CDH12: variants seen among roughly 807,000 people sequenced by gnomAD.
The protein encoded by CDH12 is cadherin-12.
Under a neutral mutation model 74.1 loss-of-function variants are expected in CDH12, and 41 were observed. The ratio of observed to expected loss-of-function variants is 0.55; its 90% CI spans 0.43 to 0.72. CDH12 has a LOEUF of 0.72. Among genes scored for constraint, CDH12 ranks in the 30% least tolerant of loss-of-function variants. The pLI, the probability that CDH12 is intolerant of heterozygous loss-of-function variation, is 0.00. For synonymous variants in CDH12, 399 were observed against 355.0 expected, an observed-to-expected ratio of 1.12 and a Z score of -1.39; for missense variants, 945 against 977.2, an observed-to-expected ratio of 0.97 and a Z score of 0.44.
chr5:22,272,631 A>T (rs1736448955), intron 3 of CDH12, among the ~76,000 whole-genome samples: 1 of 152,116 alleles, frequency 6.6e-6, no homozygotes, highest in Non-Finnish European at 1.5e-5. Context: ...TTGAACATTT[A>T]GAGGTTATTG....
chr5:22,791,132 A>T (rs935499068), intron 1 of CDH12, among the ~76,000 whole-genome samples: 3 of 152,322 alleles, frequency 2.0e-5, no homozygotes, highest in South Asian at 2.1e-4. Context: ...TTGCACACTT[A>T]ATGTGGAAAC....
intron 14 of CDH12, among the ~76,000 whole-genome samples, chr5:21,752,804 G>A (rs541170988): frequency 1.3e-5 from 2 of 152,032 alleles, no homozygotes; most frequent in African/African-American, 2.4e-5. Context: ...GTAGAGGAAG[G>A]AAGGAAGTAG....
chr5:22,697,756 A>G (rs1295287220), intron 1 of CDH12, among the ~76,000 whole-genome samples: 1 of 152,082 alleles, frequency 6.6e-6, no homozygotes, highest in Non-Finnish European at 1.5e-5. Context: ...TTATCTGTAG[A>G]TAGAGCCTTT....
At chr5:22,604,505 A>G (rs1737001318) in intron 1 of CDH12, among the ~76,000 whole-genome samples, 1 of 152,182 alleles carries the variant, frequency 6.6e-6, no homozygotes, top group African/African-American at 2.4e-5. Context: ...GCATCAATCA[A>G]TACACTTTAA....
chr5:22,820,240 T>C (rs1749618548), intron 1 of CDH12, among the ~76,000 whole-genome samples: 1 of 151,884 alleles, frequency 6.6e-6, no homozygotes, highest in African/African-American at 2.4e-5. Context: ...AGAGACAATA[T>C]TTGAAAAGTA....
chr5:22,430,498 A>T (rs1268077013), intron 2 of CDH12, among the ~76,000 whole-genome samples: 1 of 152,146 alleles, frequency 6.6e-6, no homozygotes, highest in Non-Finnish European at 1.5e-5. Context: ...ACAAGGAAAA[A>T]ATTTTAAACT....
intron 6 of CDH12, among the ~76,000 whole-genome samples, chr5:21,933,918 C>T (rs970308262): frequency 1.3e-5 from 2 of 152,188 alleles, no homozygotes; most frequent in African/African-American, 4.8e-5. Flanking sequence ...ATAAAACTAA[C>T]AGAAAGCACG....
At position 22,696,974 on chromosome 5, in the gene CDH12, A is replaced by G. The variant is rs1251622418; in HGVS notation, c.-523+156084T>C. On this transcript the variant is annotated intron_variant, in intron 1 of 14. Transcript: ENST00000382254. ...AAGAAAAAAAAAAAATCTTAAAAAG[A>G]ACTCCTACCGTGTAACCCAGATTGA... 2.0e-5 allele frequency among the ~76,000 whole-genome samples: 3 copies of G among 152,292 alleles called. No homozygotes were observed. The East Asian group carries it at 5.8e-4, about 29-fold the overall frequency.
chr5:22,561,558 C>T (rs1397573720), intron 1 of CDH12, among the ~76,000 whole-genome samples: 1 of 151,922 alleles, frequency 6.6e-6, no homozygotes, highest in Admixed American at 6.6e-5. Context: ...CTATCTTTGG[C>T]CTGGTGGGGA....
At chr5:22,279,764 T>A (rs983864044) in intron 3 of CDH12, among the ~76,000 whole-genome samples, 22 of 152,208 alleles carry the variant, frequency 1.4e-4, no homozygotes, top group African/African-American at 5.1e-4. Context: ...ATTTTCTTAA[T>A]CCAGTCTATC....
chr5:22,233,222 A>C (rs1482106858), intron 3 of CDH12, among the ~76,000 whole-genome samples: 1 of 151,948 alleles, frequency 6.6e-6, no homozygotes, highest in African/African-American at 2.4e-5. Flanking sequence ...TGATCTATAG[A>C]TCAATTTAGT....
chr5:21,960,559 G>C (rs1473560254), intron 6 of CDH12, among the ~76,000 whole-genome samples: 1 of 152,022 alleles, frequency 6.6e-6, no homozygotes. Flanking sequence ...CCGTTCCCTT[G>C]TATCTCTAAT....
At chr5:21,884,892 G>C (rs1193164371) in intron 6 of CDH12, among the ~76,000 whole-genome samples, 1 of 151,546 alleles carries the variant, frequency 6.6e-6, no homozygotes, top group Admixed American at 6.6e-5. Flanking sequence ...TTGCTTGTTT[G>C]CTTGTTTGTT....
At chr5:22,201,250 T>C (rs1202960761) in intron 4 of CDH12, among the ~76,000 whole-genome samples, 1 of 152,186 alleles carries the variant, frequency 6.6e-6, no homozygotes, top group East Asian at 1.9e-4. Flanking sequence ...TAAGTTTCCA[T>C]ATCTTAAGAT....
rs373021510 is a variant in CDH12 at position 22,653,336 on chromosome 5, T to C, written c.-522-147972A>G. Among the ~76,000 whole-genome samples, 89 of 152,234 alleles carry C rather than the reference T, an allele frequency of 5.8e-4. No homozygotes were observed. The East Asian group carries it at 8.9e-3, about 15-fold the overall frequency. ...CATTTCTCCTTTTAACATCTTCACT[T>C]AAGTGAAACATAGGAAGATAAATAT... On this transcript the variant is annotated intron_variant, in intron 1 of 14. Transcript: ENST00000382254.
At chr5:22,010,945 C>T (rs1737260366) in intron 5 of CDH12, among the ~76,000 whole-genome samples, 1 of 151,830 alleles carries the variant, frequency 6.6e-6, no homozygotes. Context: ...TTCAAGGATT[C>T]CTTGAAGTTT....
chr5:22,221,773 T>C (rs989187144), intron 3 of CDH12, among the ~76,000 whole-genome samples: 5 of 151,950 alleles, frequency 3.3e-5, no homozygotes, highest in African/African-American at 1.2e-4. Flanking sequence ...GCTTTAATAA[T>C]TGATATGTCA....
At chr5:21,984,817 C>A (rs1433210341) in intron 5 of CDH12, among the ~76,000 whole-genome samples, 1 of 152,162 alleles carries the variant, frequency 6.6e-6, no homozygotes, top group Non-Finnish European at 1.5e-5. Context: ...TTAAACCATT[C>A]TCAACATTTT....
chr5:22,293,983 C>CA (rs1383896139), intron 3 of CDH12, among the ~76,000 whole-genome samples: 1 of 151,864 alleles, frequency 6.6e-6, no homozygotes, highest in Non-Finnish European at 1.5e-5. Context: ...GTTCTCAGCA[C>CA]AAAAACAATA....
Sources: allele counts gnomAD v4.1 joint callset (sites outside exome capture counted in the v4.1 genomes callset), GRCh38; gene constraint gnomAD v4.1.1; transcripts MANE v1.5; gene names NCBI Gene and HGNC (gene_info 2026-07-23, HGNC 2026-07-21).